RAD51B: variants seen among roughly 807,000 people sequenced by gnomAD.
RAD51B encodes RAD51 paralog B, also known as DNA repair protein RAD51 homolog 2.
RAD51B carries 38 observed loss-of-function variants against 42.2 expected under a neutral mutation model. The ratio of observed to expected loss-of-function variants is 0.90; its 90% confidence interval spans 0.70 to 1.18. The LOEUF (loss-of-function observed/expected upper bound fraction) is 1.18. Ranked by LOEUF, RAD51B falls within the 50% of genes most tolerant of loss-of-function variation. The pLI is 0.00. For synonymous variants in RAD51B, 154 were observed against 145.2 expected (o/e 1.06, Z -0.43); for missense variants, 373 against 400.7 (o/e 0.93, Z 0.59).
intron 7 of RAD51B, among the ~76,000 whole-genome samples, chr14:67,927,775 A>G (rs904145760): frequency 1.3e-5 from 2 of 151,414 alleles, no homozygotes; most frequent in African/African-American, 4.9e-5. Flanking sequence ...TTATATATAT[A>G]CACATATATA....
At chr14:68,478,100 G>A (rs949316072), downstream of RAD51B, 1 of 1,045,076 alleles carries the variant, frequency 9.6e-7, no homozygotes, top group African/African-American at 1.7e-5. Flanking sequence ...CAGATAAAAA[G>A]AGTAGGTGTA....
At chr14:67,975,989 A>G (rs1346402033) in intron 7 of RAD51B, among the ~76,000 whole-genome samples, 3 of 152,050 alleles carry the variant, frequency 2.0e-5, no homozygotes, top group Non-Finnish European at 4.4e-5. Context: ...TTGCTTTTTC[A>G]AATGTTGTTG....
intron 10 of RAD51B, among the ~76,000 whole-genome samples, chr14:68,605,946 C>T (rs932173823): frequency 1.3e-5 from 2 of 152,144 alleles, no homozygotes; most frequent in Non-Finnish European, 2.9e-5. Flanking sequence ...TCTGTGCCAC[C>T]GTTTCCCGCC....
chr14:67,998,023 T>G (rs1449385728), intron 7 of RAD51B, among the ~76,000 whole-genome samples: 1 of 152,238 alleles, frequency 6.6e-6, no homozygotes, highest in Non-Finnish European at 1.5e-5. Context: ...TGACACTTGT[T>G]AGAGTTTGTC....
intron 9 of RAD51B, among the ~76,000 whole-genome samples, chr14:68,458,376 C>A (rs1468279): frequency 0.44 from 67,325 of 152,032 alleles, 15,870 homozygotes; most frequent in African/African-American, 0.61. Flanking sequence ...AGGAAAAAAC[C>A]GTAAACTCAA....
At chr14:68,309,548 C>A (rs1034990591) in intron 8 of RAD51B, among the ~76,000 whole-genome samples, 2 of 152,188 alleles carry the variant, frequency 1.3e-5, no homozygotes, top group Non-Finnish European at 1.5e-5. Context: ...CTTCCAAGAT[C>A]ATAAAGCCAA....
At chr14:68,320,194 G>A (rs1200582365) in intron 8 of RAD51B, among the ~76,000 whole-genome samples, 7 of 152,024 alleles carry the variant, frequency 4.6e-5, no homozygotes, top group African/African-American at 1.2e-4. Flanking sequence ...GAGTACTTTC[G>A]GTCTGAAACT....
intron 7 of RAD51B, among the ~76,000 whole-genome samples, chr14:68,219,482 C>T (rs1320115937): frequency 2.0e-5 from 3 of 152,144 alleles, no homozygotes; most frequent in Non-Finnish European, 2.9e-5. Context: ...CTGGTATCCT[C>T]GGCTGCAAGA....
intron 7 of RAD51B, among the ~76,000 whole-genome samples, chr14:67,932,820 T>A (rs1170772783): frequency 6.6e-6 from 1 of 152,000 alleles, no homozygotes; most frequent in African/African-American, 2.4e-5. Flanking sequence ...CACGTATGAG[T>A]CTAAGCATGG....
chr14:67,846,292 G>T (rs1204079735), intron 4 of RAD51B, among the ~76,000 whole-genome samples: 3 of 152,204 alleles, frequency 2.0e-5, no homozygotes, highest in South Asian at 2.1e-4. Flanking sequence ...TGTTCGTGCT[G>T]GTGGCAGTGT....
At chr14:67,939,181 T>C (rs1230820551) in intron 7 of RAD51B, among the ~76,000 whole-genome samples, 1 of 152,132 alleles carries the variant, frequency 6.6e-6, no homozygotes, top group Non-Finnish European at 1.5e-5. Context: ...TTCTGATATA[T>C]TAGATAAAGG....
chr14:68,443,919 G>A (rs754640479), intron 9 of RAD51B, among the ~76,000 whole-genome samples: 5 of 151,718 alleles, frequency 3.3e-5, no homozygotes, highest in East Asian at 1.9e-4. Flanking sequence ...TATTCAAACC[G>A]AATTCATGGA....
chr14:68,196,958 G>T (rs1411762123), intron 7 of RAD51B, among the ~76,000 whole-genome samples: 1 of 152,150 alleles, frequency 6.6e-6, no homozygotes, highest in Non-Finnish European at 1.5e-5. Flanking sequence ...CTTAGAAAGG[G>T]TATTAGAATG....
At chr14:68,222,148 A>G (rs1428259462) in intron 7 of RAD51B, among the ~76,000 whole-genome samples, 1 of 152,250 alleles carries the variant, frequency 6.6e-6, no homozygotes, top group African/African-American at 2.4e-5. Flanking sequence ...TTAAAGAACT[A>G]AAAGTAGATC....
intron 7 of RAD51B, among the ~76,000 whole-genome samples, chr14:68,023,818 CT>C (rs34466860): frequency 0.17 from 26,162 of 152,036 alleles, 2,423 homozygotes; most frequent in Middle Eastern, 0.35. Flanking sequence ...TTGATAGTTT[CT>C]TTTGCTGTGT....
At chr14:67,888,385 G>C (rs1193420598) in intron 7 of RAD51B, among the ~76,000 whole-genome samples, 1 of 152,164 alleles carries the variant, frequency 6.6e-6, no homozygotes. Context: ...TTGGCCCTCT[G>C]TATCTGTGGG....
At chr14:68,388,143 G>C (rs1186294077) in intron 8 of RAD51B, among the ~76,000 whole-genome samples, 4 of 149,166 alleles carry the variant, frequency 2.7e-5, no homozygotes, top group African/African-American at 9.9e-5. Context: ...ACCCAGGCTG[G>C]AGTGCAGTGG....
At chr14:68,045,752 A>G (rs891357082) in intron 7 of RAD51B, among the ~76,000 whole-genome samples, 3 of 152,186 alleles carry the variant, frequency 2.0e-5, no homozygotes, top group African/African-American at 7.2e-5. Context: ...GATATTAGTG[A>G]CTAGGGAAAG....
In RAD51B at chr14:67,826,209, T is replaced by C. The variant is rs889290704; in HGVS notation, c.198+632T>C. Among the ~76,000 whole-genome samples, 11 of 152,226 alleles carry C rather than the reference T, an allele frequency of 7.2e-5. No homozygotes were observed. The East Asian group carries it at 1.5e-3, about 21-fold the overall frequency. On this transcript the variant is annotated intron_variant, in intron 3 of 10. Coordinates refer to ENST00000471583, the MANE Select transcript of RAD51B (RefSeq NM_133510.4). ...TGGCCTCATAGTTAAATTATAATCT[T>C]AATTTTAGAATGCCCCTTTCTTTGA... is the stretch of plus-strand genomic sequence containing the variant.
Sources: gnomAD v4.1 joint callset for allele counts (sites outside exome capture counted in the v4.1 genomes callset) on GRCh38, gnomAD v4.1.1 for gene constraint, MANE v1.5 for transcripts, NCBI Gene and HGNC (gene_info 2026-07-23, HGNC 2026-07-21) for gene names.